SLIT3: variants seen among roughly 807,000 people sequenced by gnomAD.
SLIT3 encodes slit homolog 3 protein.
A neutral mutation model predicts 184.0 loss-of-function variants in SLIT3; 68 were observed. That is an observed-to-expected ratio of 0.37 (90% CI 0.30 to 0.45). SLIT3 has a LOEUF of 0.45. SLIT3 is among the 20% of genes least tolerant of loss of function. The pLI is 1.00. For synonymous variants in SLIT3, 831 were observed against 828.6 expected, an observed-to-expected ratio of 1.00 and a Z score of -0.05; for missense variants, 1,707 against 2,026.0, an observed-to-expected ratio of 0.84 and a Z score of 3.02.
chr5:169,136,012 C>T (rs938040679), intron 4 of SLIT3, among the ~76,000 whole-genome samples: 26 of 152,190 alleles, frequency 1.7e-4, no homozygotes, highest in African/African-American at 6.0e-4. Flanking sequence ...TCTTTTCCAA[C>T]CCTGCTCCCT....
intron 4 of SLIT3, 85 bp downstream of exon 4, chr5:169,193,394 G>A (rs975100326): frequency 3.2e-5 from 36 of 1,135,572 alleles, no homozygotes; most frequent in African/African-American, 2.7e-4. Context: ...AGCTCCACAC[G>A]GCACGGCGCT....
chr5:168,680,351 T>C (rs935541511), intron 32 of SLIT3, among the ~76,000 whole-genome samples: 6 of 152,244 alleles, frequency 3.9e-5, no homozygotes, highest in African/African-American at 1.2e-4. Flanking sequence ...GAATAGAATC[T>C]TCATGTGCCC....
At chr5:168,687,987 A>C (rs906502873) in intron 29 of SLIT3, among the ~76,000 whole-genome samples, 2 of 152,178 alleles carry the variant, frequency 1.3e-5, no homozygotes, top group Non-Finnish European at 2.9e-5. Context: ...ACAAGGTTTA[A>C]AACCTGGCCA....
intron 3 of SLIT3, among the ~76,000 whole-genome samples, 166 bp from the exon 4 acceptor site, chr5:169,193,716 C>T (rs79192318): frequency 0.15 from 22,942 of 152,102 alleles, 2,078 homozygotes; most frequent in East Asian, 0.45. Context: ...TCCCTGTTGG[C>T]GGGGCTTAGA....
intron 4 of SLIT3, among the ~76,000 whole-genome samples, chr5:168,886,184 T>C (rs1156958404): frequency 6.6e-6 from 1 of 152,210 alleles, no homozygotes; most frequent in Non-Finnish European, 1.5e-5. Flanking sequence ...TCCATTGAGC[T>C]TCCCTTCTCC....
At chr5:168,677,452 T>C (rs1255796805) in intron 32 of SLIT3, among the ~76,000 whole-genome samples, 2 of 151,648 alleles carry the variant, frequency 1.3e-5, no homozygotes. Flanking sequence ...GTTTTTTGTT[T>C]TGTTTTTGTT....
At chr5:169,013,392 C>G (rs372201053) in intron 4 of SLIT3, 2 of 152,192 alleles carry the variant, frequency 1.3e-5, no homozygotes, top group Non-Finnish European at 2.9e-5. Context: ...CAGGTAAGCA[C>G]GTCAGGGCCC....
At chr5:169,002,056 G>A (rs1298247107) in intron 4 of SLIT3, among the ~76,000 whole-genome samples, 12 of 152,056 alleles carry the variant, frequency 7.9e-5, no homozygotes, top group Non-Finnish European at 1.6e-4. Flanking sequence ...GTTCACTCCT[G>A]TAATCACAGC....
chr5:169,210,382 A>C (rs1201297663), intron 3 of SLIT3, among the ~76,000 whole-genome samples: 1 of 152,238 alleles, frequency 6.6e-6, no homozygotes, highest in African/African-American at 2.4e-5. Context: ...TCTCATGGTC[A>C]TTATTAAAGA....
intron 4 of SLIT3, among the ~76,000 whole-genome samples, chr5:169,090,988 G>T (rs1759562881): frequency 1.3e-5 from 2 of 152,228 alleles, no homozygotes; most frequent in African/African-American, 2.4e-5. Flanking sequence ...CGTGCCCATT[G>T]TCCTTTCATG....
intron 1 of SLIT3, among the ~76,000 whole-genome samples, chr5:169,270,585 C>G (rs1450395296): frequency 4.6e-5 from 7 of 152,148 alleles, no homozygotes; most frequent in Admixed American, 3.3e-4. Flanking sequence ...GTAGCTGCCA[C>G]TGAGACTGAG....
chr5:168,986,242 A>G (rs1473454129), intron 4 of SLIT3, among the ~76,000 whole-genome samples: 1 of 152,190 alleles, frequency 6.6e-6, no homozygotes, highest in Non-Finnish European at 1.5e-5. Context: ...TAGGGCAAAA[A>G]TCACGATCCC....
intron 4 of SLIT3, among the ~76,000 whole-genome samples, chr5:168,893,115 T>G (rs1182053069): frequency 6.6e-6 from 1 of 152,210 alleles, no homozygotes; most frequent in Non-Finnish European, 1.5e-5. Context: ...ATCATCTGAT[T>G]GTAAAGATCT....
intron 4 of SLIT3, among the ~76,000 whole-genome samples, chr5:168,967,165 T>A (rs144958719): frequency 0.011 from 1,666 of 152,180 alleles, 40 homozygotes; most frequent in African/African-American, 0.038. Flanking sequence ...TATATATTTT[T>A]AAAGTGAGAA....
chr5:169,297,944 G>A (rs1767562706), intron 1 of SLIT3, among the ~76,000 whole-genome samples: 1 of 152,246 alleles, frequency 6.6e-6, no homozygotes, highest in Non-Finnish European at 1.5e-5. Flanking sequence ...ATAAATGAGT[G>A]ATTCCTCTGA....
At chr5:168,994,755 C>T (rs1312970182) in intron 4 of SLIT3, among the ~76,000 whole-genome samples, 1 of 148,198 alleles carries the variant, frequency 6.7e-6, no homozygotes, top group Non-Finnish European at 1.5e-5. Context: ...AAGTGATTCT[C>T]CCGCCTCAGC....
At chr5:169,219,714 T>C (rs1383305838) in intron 3 of SLIT3, among the ~76,000 whole-genome samples, 1 of 152,206 alleles carries the variant, frequency 6.6e-6, no homozygotes, top group Non-Finnish European at 1.5e-5. Context: ...TGGTGACACA[T>C]TCCGGGGTGT....
intron 4 of SLIT3, among the ~76,000 whole-genome samples, chr5:169,080,451 G>C (rs1029988399): frequency 6.6e-6 from 1 of 152,204 alleles, no homozygotes; most frequent in African/African-American, 2.4e-5. Context: ...AAGGCAAGGA[G>C]TCTGCGGCTG....
At position 168,727,735 on chromosome 5, in the gene SLIT3, CAG is replaced by C. The variant is rs1179902530; in HGVS notation, c.2271-3253_2271-3252del. ...GTGAATGCTTGCCCTACTCCCCAAA[CAG>C]GGGCAGGGGCTCAGCCGGTGGTGGG... On this transcript the variant is annotated intron_variant, in intron 20 of 35. Coordinates refer to ENST00000519560, the MANE Select transcript of SLIT3 (RefSeq NM_003062.4). Among the ~76,000 whole-genome samples the C allele has an allele frequency of 1.1e-4, 17 of 152,192 alleles. No homozygotes were observed. The East Asian group carries it at 2.5e-3, about 22-fold the overall frequency.
Sources: allele counts gnomAD v4.1 joint callset (sites outside exome capture counted in the v4.1 genomes callset), GRCh38; gene constraint gnomAD v4.1.1; transcripts MANE v1.5; gene names NCBI Gene and HGNC (gene_info 2026-07-23, HGNC 2026-07-21).